The following CDH18 variants were observed in gnomAD, a reference collection of about 807,000 sequenced individuals.
CDH18 encodes the protein cadherin-18.
CDH18 carries 31 observed loss-of-function variants against 67.9 expected under a neutral mutation model. The observed-to-expected ratio is 0.46, with a 90% CI of 0.34 to 0.62. The LOEUF (loss-of-function observed/expected upper bound fraction) is 0.62. CDH18 is among the 20% of genes least tolerant of loss of function. CDH18 has a pLI of 0.01. For missense variants in CDH18, 890 were observed against 975.5 expected, an observed-to-expected ratio of 0.91 and a Z score of 1.17; for synonymous variants, 362 against 347.2, an observed-to-expected ratio of 1.04 and a Z score of -0.48.
At chr5:19,709,254 A>G (rs1031040822) in intron 5 of CDH18, among the ~76,000 whole-genome samples, 9 of 152,040 alleles carry the variant, frequency 5.9e-5, no homozygotes, top group South Asian at 2.1e-4. Context: ...TGGGAGCTTG[A>G]GACATTTATT....
chr5:20,399,238 T>C (rs185825130), intron 1 of CDH18, among the ~76,000 whole-genome samples: 1 of 152,202 alleles, frequency 6.6e-6, no homozygotes, highest in African/African-American at 2.4e-5. Flanking sequence ...TTTACTCTTC[T>C]ATCATTGTTT....
At chr5:20,260,436 G>T (rs536023878) in intron 1 of CDH18, among the ~76,000 whole-genome samples, 1 of 152,086 alleles carries the variant, frequency 6.6e-6, no homozygotes, top group Non-Finnish European at 1.5e-5. Flanking sequence ...TATATGCTTG[G>T]ATTTGATTTA....
chr5:20,276,436 G>T (rs1745817890), intron 1 of CDH18, among the ~76,000 whole-genome samples: 1 of 152,166 alleles, frequency 6.6e-6, no homozygotes, highest in Admixed American at 6.5e-5. Flanking sequence ...CCCACAATGG[G>T]CCAGAAGGGA....
intron 2 of CDH18, among the ~76,000 whole-genome samples, chr5:19,979,231 T>C (rs1579922566): frequency 2.0e-5 from 3 of 151,922 alleles, no homozygotes. Flanking sequence ...TGTGTGTGTG[T>C]GTGTGTGTGT....
intron 1 of CDH18, among the ~76,000 whole-genome samples, chr5:20,277,776 G>A (rs1019836396): frequency 3.3e-5 from 5 of 152,016 alleles, no homozygotes; most frequent in African/African-American, 7.2e-5. Context: ...ATAACACAGA[G>A]AAAGAATTCA....
intron 1 of CDH18, among the ~76,000 whole-genome samples, chr5:20,327,357 T>C (rs1207378477): frequency 6.6e-6 from 1 of 152,226 alleles, no homozygotes; most frequent in East Asian, 1.9e-4. Flanking sequence ...CAGTGCCTAA[T>C]TGACTTTTTC....
In CDH18 at chr5:19,750,282, C is replaced by T. The variant is rs141163294; in HGVS notation, c.229-3046G>A. Among the ~76,000 whole-genome samples the T allele has an allele frequency of 1.5e-4, 23 of 152,188 alleles. No homozygotes were observed. The East Asian group carries it at 3.1e-3, about 20-fold the overall frequency. The stretch of plus-strand genomic sequence containing the variant: ...TATTCTCAAATCTCAGTTCTGTTTG[C>T]AATATACACTTTGCAACAGGAATGG... On this transcript the variant is annotated intron_variant, in intron 3 of 12. Transcript: ENST00000382275.
intron 2 of CDH18, among the ~76,000 whole-genome samples, chr5:20,168,511 G>A (rs1198856407): frequency 6.6e-6 from 1 of 152,024 alleles, no homozygotes; most frequent in East Asian, 1.9e-4. Context: ...ATCTATTGGT[G>A]AGAGGCAGAT....
intron 5 of CDH18, among the ~76,000 whole-genome samples, chr5:19,678,369 A>G (rs1389021168): frequency 1.3e-5 from 2 of 151,922 alleles, no homozygotes; most frequent in Non-Finnish European, 2.9e-5. Context: ...ATCAACTTAC[A>G]CCTACCTAAA....
intron 2 of CDH18, among the ~76,000 whole-genome samples, chr5:19,907,285 T>C (rs527947280): frequency 6.6e-6 from 1 of 152,114 alleles, no homozygotes; most frequent in Admixed American, 6.6e-5. Context: ...ATAGGTTGAG[T>C]ATCTCGTATT....
At chr5:19,934,384 A>G (rs1394156287) in intron 2 of CDH18, among the ~76,000 whole-genome samples, 3 of 151,214 alleles carry the variant, frequency 2.0e-5, no homozygotes, top group Admixed American at 1.3e-4. Flanking sequence ...TCTTTTAGGG[A>G]TAATGACAAC....
chr5:19,566,520 C>T (rs930049665), intron 8 of CDH18, among the ~76,000 whole-genome samples: 8 of 152,152 alleles, frequency 5.3e-5, no homozygotes, highest in Admixed American at 2.0e-4. Context: ...GCAAAAGGCA[C>T]GTCTTGCGTG....
chr5:20,186,591 C>T (rs1305024797), intron 2 of CDH18, among the ~76,000 whole-genome samples: 1 of 151,738 alleles, frequency 6.6e-6, no homozygotes, highest in Non-Finnish European at 1.5e-5. Flanking sequence ...AAATAATAAC[C>T]ATGAAGAGAT....
chr5:19,515,905 G>C (rs1003155314), intron 10 of CDH18, among the ~76,000 whole-genome samples: 2 of 152,200 alleles, frequency 1.3e-5, no homozygotes, highest in African/African-American at 4.8e-5. Flanking sequence ...AGTGGTGAGA[G>C]AGGGCATCCC....
chr5:20,528,611 C>T (rs532914851), intron 1 of CDH18, among the ~76,000 whole-genome samples: 1 of 152,016 alleles, frequency 6.6e-6, no homozygotes, highest in Admixed American at 6.6e-5. Flanking sequence ...CTCAAAACCA[C>T]ACAACTACAT....
At chr5:19,613,137 T>C (rs1026039553) in intron 5 of CDH18, among the ~76,000 whole-genome samples, 1 of 151,830 alleles carries the variant, frequency 6.6e-6, no homozygotes, top group African/African-American at 2.4e-5. Flanking sequence ...AGAGTGAGAC[T>C]CCAACTAAAA....
intron 2 of CDH18, among the ~76,000 whole-genome samples, chr5:20,030,050 C>CT (rs781038126): frequency 3.9e-5 from 6 of 152,138 alleles, no homozygotes; most frequent in Non-Finnish European, 8.8e-5. Context: ...GCTACCTGAA[C>CT]TTTGGGTCAA....
chr5:19,955,198 T>C (rs1279657421), intron 2 of CDH18, among the ~76,000 whole-genome samples: 2 of 152,066 alleles, frequency 1.3e-5, no homozygotes, highest in Non-Finnish European at 2.9e-5. Context: ...CCTCCCCAGT[T>C]ATGCTGAACT....
chr5:19,835,099 T>C (rs1358693337), intron 3 of CDH18, among the ~76,000 whole-genome samples: 1 of 152,126 alleles, frequency 6.6e-6, no homozygotes, highest in Non-Finnish European at 1.5e-5. Flanking sequence ...CTATTTACAA[T>C]AGCAAAGACA....
Sources: gnomAD v4.1 joint callset for allele counts (sites outside exome capture counted in the v4.1 genomes callset) on GRCh38, gnomAD v4.1.1 for gene constraint, MANE v1.5 for transcripts, NCBI Gene and HGNC (gene_info 2026-07-23, HGNC 2026-07-21) for gene names.